Variants in ROR1 observed in about 807,000 individuals in gnomAD.
The protein encoded by ROR1 is inactive tyrosine-protein kinase transmembrane receptor ROR1.
ROR1 carries 19 observed loss-of-function variants against 78.8 expected under a neutral mutation model. That is an observed-to-expected ratio of 0.24 (90% confidence interval 0.17 to 0.35). The LOEUF (loss-of-function observed/expected upper bound fraction) is 0.35. Ranked by LOEUF, ROR1 falls within the 10% of genes least tolerant of loss-of-function variation. The probability of loss-of-function intolerance (pLI) is 1.00; values close to 1 mark genes in which losing one functional copy is unlikely to be tolerated. For missense variants in ROR1, 917 were observed against 1,177.8 expected, an observed-to-expected ratio of 0.78 and a Z score of 3.24; for synonymous variants, 386 against 433.6, an observed-to-expected ratio of 0.89 and a Z score of 1.36.
chr1:63,846,843 A>G (rs750461418), intron 1 of ROR1, among the ~76,000 whole-genome samples: 1 of 152,046 alleles, frequency 6.6e-6, no homozygotes, highest in South Asian at 2.1e-4. Context: ...GCTCACTAAC[A>G]CTCCTAATGC....
rs142461513 is a variant in ROR1, at chr1:63,841,371, A to T, written c.91+66863A>T. Reference sequence around the variant, plus strand: ...CTTACAGATTTCAGCACTGTTCCTTAAACATAGTAGGTCCTCAGTAAGTTT... The same window carrying T: ...CTTACAGATTTCAGCACTGTTCCTTTAACATAGTAGGTCCTCAGTAAGTTT... On this transcript the variant is annotated intron_variant, in intron 1 of 8. Coordinates refer to ENST00000371079, the MANE Select transcript of ROR1 (RefSeq NM_005012.4). Among the ~76,000 whole-genome samples, 377 of 152,338 alleles carry T rather than the reference A, an allele frequency of 2.5e-3. 3 individuals are homozygous for T. Among genetic ancestry groups the T allele is most frequent in the African/African-American group, 8.9e-3 (368 of 41,576 alleles).
intron 1 of ROR1, among the ~76,000 whole-genome samples, chr1:63,801,370 C>T (rs1644796395): frequency 6.6e-6 from 1 of 152,120 alleles, no homozygotes; most frequent in Admixed American, 6.5e-5. Context: ...TCTCGGCTTA[C>T]TGCAACTTCT....
chr1:63,784,175 C>G (rs1347055527), intron 1 of ROR1, among the ~76,000 whole-genome samples: 1 of 151,988 alleles, frequency 6.6e-6, no homozygotes, highest in Non-Finnish European at 1.5e-5. Context: ...ACAGTATTAC[C>G]TTTAATTTTC....
intron 1 of ROR1, among the ~76,000 whole-genome samples, chr1:63,814,531 A>G (rs1644878017): frequency 6.6e-6 from 1 of 151,914 alleles, no homozygotes; most frequent in South Asian, 2.1e-4. Context: ...ATAATTATAT[A>G]ACTCACAATA....
At chr1:63,907,045 G>T (rs906404011) in intron 1 of ROR1, among the ~76,000 whole-genome samples, 3 of 152,180 alleles carry the variant, frequency 2.0e-5, no homozygotes, top group African/African-American at 7.2e-5. Context: ...GGTTGGATTT[G>T]GGAGAAGAGA....
At chr1:64,031,139 A>G (rs1646656588) in intron 2 of ROR1, among the ~76,000 whole-genome samples, 1 of 152,148 alleles carries the variant, frequency 6.6e-6, no homozygotes, top group Non-Finnish European at 1.5e-5. Context: ...AAATGCTGGG[A>G]TTATAGGCAT....
intron 1 of ROR1, among the ~76,000 whole-genome samples, chr1:63,968,808 A>G (rs913815881): frequency 6.6e-6 from 1 of 152,220 alleles, no homozygotes; most frequent in Non-Finnish European, 1.5e-5. Context: ...TTTTCTGCCA[A>G]TGACCACAGC....
intron 1 of ROR1, among the ~76,000 whole-genome samples, chr1:63,935,339 T>C (rs1645785942): frequency 6.6e-6 from 1 of 152,190 alleles, no homozygotes; most frequent in Admixed American, 6.5e-5. Flanking sequence ...CTGCAACTGC[T>C]GAGGACCAGG....
At chr1:64,141,585 T>C (rs1438581255) in intron 6 of ROR1, among the ~76,000 whole-genome samples, 2 of 152,122 alleles carry the variant, frequency 1.3e-5, no homozygotes, top group Non-Finnish European at 2.9e-5. Flanking sequence ...TTTAAAGATA[T>C]AGATGGGTTT....
At chr1:63,810,352 C>G (rs887542591) in intron 1 of ROR1, among the ~76,000 whole-genome samples, 2 of 152,150 alleles carry the variant, frequency 1.3e-5, no homozygotes, top group Non-Finnish European at 2.9e-5. Context: ...CCCTGAATCT[C>G]TTATGTGCAT....
At chr1:63,899,424 C>G (rs1645467267) in intron 1 of ROR1, among the ~76,000 whole-genome samples, 1 of 152,116 alleles carries the variant, frequency 6.6e-6, no homozygotes, top group Non-Finnish European at 1.5e-5. Flanking sequence ...CCCTTTGTAT[C>G]TCCTAAATTT....
At chr1:64,175,657 T>C (rs1352986398) in intron 8 of ROR1, among the ~76,000 whole-genome samples, 1 of 152,238 alleles carries the variant, frequency 6.6e-6, no homozygotes, top group Non-Finnish European at 1.5e-5. Flanking sequence ...TTTATTTGCA[T>C]AGAATAATTA....
intron 1 of ROR1, among the ~76,000 whole-genome samples, chr1:63,779,341 A>G (rs1045191181): frequency 3.9e-5 from 6 of 152,236 alleles, no homozygotes; most frequent in Non-Finnish European, 8.8e-5. Flanking sequence ...TCAAGGTCCC[A>G]GTGAGGACCA....
chr1:63,901,456 C>T (rs1645484840), intron 1 of ROR1, among the ~76,000 whole-genome samples: 1 of 152,130 alleles, frequency 6.6e-6, no homozygotes, highest in African/African-American at 2.4e-5. Context: ...GCACTGTGCT[C>T]AAGGGCCTGG....
chr1:64,159,259 C>A, intron 8 of ROR1, 67 bp downstream of exon 8: 4 of 1,217,008 alleles, frequency 3.3e-6, no homozygotes, highest in South Asian at 2.5e-5. Context: ...TGTTATAACC[C>A]TCCCAAGCTT....
Position 64,009,315 on chromosome 1 carries a change from G to A in ROR1, c.102G>A (p.Leu34=), listed in dbSNP as rs137926239. 7.9e-5 allele frequency: 127 copies of A among 1,612,922 alleles called. No homozygotes were observed. The African/African-American group carries it at 1.5e-3, about 19-fold the overall frequency. ...TCTTTTTCTTTTCAGAAACAGAGCT[G>A]TCAGTCAGTGCTGAATTAGTGCCTA... ...ARGAAAQETE[L]SVSAELVPTS... The change falls in exon 2 of 9, where the codon CTG becomes CTA. Residue 34 remains leucine, a synonymous_variant. Coordinates refer to ENST00000371079, the MANE Select transcript of ROR1 (RefSeq NM_005012.4).
intron 4 of ROR1, among the ~76,000 whole-genome samples, chr1:64,058,597 G>GTTTT (rs36125066): frequency 3.1e-4 from 46 of 147,480 alleles, no homozygotes; most frequent in African/African-American, 9.9e-4. Context: ...ATCGTGGTGG[G>GTTTT]TTTTTTTTTG....
intron 7 of ROR1, among the ~76,000 whole-genome samples, chr1:64,157,578 CT>C (rs1047361380): frequency 2.6e-5 from 4 of 152,178 alleles, no homozygotes; most frequent in African/African-American, 9.7e-5. Context: ...CATATCTCAC[CT>C]GCCAAACAGT....
At chr1:64,000,296 G>T (rs1646372216) in intron 1 of ROR1, among the ~76,000 whole-genome samples, 1 of 152,182 alleles carries the variant, frequency 6.6e-6, no homozygotes, top group South Asian at 2.1e-4. Context: ...CCTCTGTAGG[G>T]AGCTGAGACC....
Sources: gnomAD v4.1 joint callset for allele counts (sites outside exome capture counted in the v4.1 genomes callset) on GRCh38, gnomAD v4.1.1 for gene constraint, MANE v1.5 for transcripts, NCBI Gene and HGNC (gene_info 2026-07-23, HGNC 2026-07-21) for gene names.